Variants in SPRR2G observed in about 807,000 individuals in gnomAD.
SPRR2G encodes small proline rich protein 2G, also known as small proline-rich protein 2G.
A neutral mutation model predicts 0.7 loss-of-function variants in SPRR2G; 1 was observed. The observed-to-expected ratio is 1.49, with a 90% CI of 0.53 to 7.06. SPRR2G has a LOEUF of 7.06. Among genes scored for constraint, SPRR2G ranks in the 30% most tolerant of loss-of-function variants. SPRR2G has a pLI of 0.14. For synonymous variants in SPRR2G, 38 were observed against 33.9 expected (o/e 1.12, Z -0.42); for missense variants, 96 against 88.5 (o/e 1.09, Z -0.34).
chr1:153,152,093 C>T (rs1180643647), upstream of SPRR2G, among the ~76,000 whole-genome samples: 1 of 152,158 alleles, frequency 6.6e-6, no homozygotes, highest in Non-Finnish European at 1.5e-5. Flanking sequence ...CCTACAAAAA[C>T]TCAAAGAGTG....
At chr1:153,166,118 CCTT>C in the SPRR2G span, among the ~76,000 whole-genome samples, 1 of 152,208 alleles carries the variant, frequency 6.6e-6, no homozygotes, top group Non-Finnish European at 1.5e-5. Flanking sequence ...ATTCCTAGCT[CCTT>C]CTCTGCCCAG....
At chr1:153,170,967 T>TAGA in the SPRR2G span, among the ~76,000 whole-genome samples, 1 of 152,252 alleles carries the variant, frequency 6.6e-6, no homozygotes. Flanking sequence ...CTCAAAGACC[T>TAGA]AGAAGATCCA....
upstream of SPRR2G, among the ~76,000 whole-genome samples, chr1:153,154,597 A>T (rs935712902): frequency 6.6e-6 from 1 of 152,120 alleles, no homozygotes; most frequent in Non-Finnish European, 1.5e-5. Flanking sequence ...GCATGTTTCT[A>T]GTAATTTATC....
chr1:153,177,494 T>A, the SPRR2G span, among the ~76,000 whole-genome samples: 8 of 152,174 alleles, frequency 5.3e-5, no homozygotes, highest in Admixed American at 5.2e-4. Flanking sequence ...GGGCTCCACC[T>A]CCTTGCCACA....
chr1:153,168,904 A>ATG, the SPRR2G span, among the ~76,000 whole-genome samples: 14,068 of 148,108 alleles, frequency 0.095, 694 homozygotes, highest in Middle Eastern at 0.17. Flanking sequence ...TCATGAGTGT[A>ATG]TGTGTGTGTG....
chr1:153,192,687 T>C, the SPRR2G span, among the ~76,000 whole-genome samples: 2 of 152,188 alleles, frequency 1.3e-5, no homozygotes, highest in South Asian at 4.1e-4. Context: ...TATTAAACTC[T>C]TCTCCTGGGC....
At chr1:153,183,230 G>C in the SPRR2G span, among the ~76,000 whole-genome samples, 1 of 137,360 alleles carries the variant, frequency 7.3e-6, no homozygotes. Flanking sequence ...TGGGATTACA[G>C]GCATGCGCCA....
the SPRR2G span, among the ~76,000 whole-genome samples, chr1:153,174,900 CT>C: frequency 6.6e-6 from 1 of 151,928 alleles, no homozygotes; most frequent in Non-Finnish European, 1.5e-5. Context: ...GGATGCTGGG[CT>C]TTAAAAAAAA....
At chr1:153,193,782 A>C in the SPRR2G span, among the ~76,000 whole-genome samples, 1 of 152,104 alleles carries the variant, frequency 6.6e-6, no homozygotes, top group Non-Finnish European at 1.5e-5. Context: ...TGCTGAGTAA[A>C]TTAGACCTGC....
the SPRR2G span, among the ~76,000 whole-genome samples, chr1:153,193,527 T>G: frequency 6.6e-6 from 1 of 152,174 alleles, no homozygotes; most frequent in Non-Finnish European, 1.5e-5. Flanking sequence ...TGGGAGAGGC[T>G]CAATGACTTT....
At chr1:153,164,997 T>C in the SPRR2G span, among the ~76,000 whole-genome samples, 1 of 152,236 alleles carries the variant, frequency 6.6e-6, no homozygotes, top group Non-Finnish European at 1.5e-5. Context: ...TTTGTTTCCA[T>C]CCATCAAGTT....
At chr1:153,185,351 T>G in the SPRR2G span, among the ~76,000 whole-genome samples, 602 of 151,676 alleles carry the variant, frequency 4.0e-3, 9 homozygotes, top group African/African-American at 0.013. Context: ...TTTTTTTTTT[T>G]TTTGTGGTTA....
At chr1:153,198,406 A>G in the SPRR2G span, among the ~76,000 whole-genome samples, 3 of 152,106 alleles carry the variant, frequency 2.0e-5, no homozygotes, top group Non-Finnish European at 4.4e-5. Context: ...TAGTGGTGAG[A>G]CTCTTTGGAG....
At chr1:153,162,899 T>A in the SPRR2G span, among the ~76,000 whole-genome samples, 4,082 of 152,290 alleles carry the variant, frequency 0.027, 179 homozygotes, top group African/African-American at 0.093. Context: ...CAGGGCATGG[T>A]ACATAATTTG....
the SPRR2G span, among the ~76,000 whole-genome samples, chr1:153,163,275 C>T: frequency 3.9e-5 from 6 of 152,134 alleles, no homozygotes; most frequent in Non-Finnish European, 7.3e-5. Flanking sequence ...AAAAATGGAG[C>T]TGAGGGATCA....
chr1:153,159,600 T>C, the SPRR2G span, among the ~76,000 whole-genome samples: 4 of 152,206 alleles, frequency 2.6e-5, no homozygotes, highest in Admixed American at 2.6e-4. Context: ...ACCAATTCTC[T>C]GTATTAGTTT....
chr1:153,177,656 G>A, the SPRR2G span, among the ~76,000 whole-genome samples: 2 of 152,072 alleles, frequency 1.3e-5, no homozygotes, highest in African/African-American at 4.8e-5. Flanking sequence ...GAACATAAAT[G>A]TAGGTCTATT....
At chr1:153,188,275 A>G in the SPRR2G span, among the ~76,000 whole-genome samples, 4 of 152,284 alleles carry the variant, frequency 2.6e-5, no homozygotes, top group African/African-American at 9.6e-5. Flanking sequence ...GGCAGGCAGG[A>G]AATTTTAAGT....
chr1:153,182,326 A>AT, the SPRR2G span, among the ~76,000 whole-genome samples: 1,949 of 150,734 alleles, frequency 0.013, 53 homozygotes, highest in African/African-American at 0.045. Flanking sequence ...TATTTTAAGA[A>AT]TTTTTTTATT....
Sources: allele counts gnomAD v4.1 joint callset (sites outside exome capture counted in the v4.1 genomes callset), GRCh38; gene constraint gnomAD v4.1.1; transcripts MANE v1.5; gene names NCBI Gene and HGNC (gene_info 2026-07-23, HGNC 2026-07-21).